Variants in IPO7 observed in about 807,000 individuals in gnomAD.
The protein encoded by IPO7 is importin-7.
Under a neutral mutation model 136.4 loss-of-function variants are expected in IPO7, and 13 were observed. The ratio of observed to expected loss-of-function variants is 0.10; its 90% confidence interval spans 0.06 to 0.15. The LOEUF (loss-of-function observed/expected upper bound fraction) is 0.15. IPO7 is among the 10% of genes least tolerant of loss of function. The pLI, the probability that IPO7 is intolerant of heterozygous loss-of-function variation, is 1.00. For synonymous variants in IPO7, 403 were observed against 404.4 expected (o/e 1.00, Z 0.04); for missense variants, 857 against 1,240.6 (o/e 0.69, Z 4.65).
At chr11:9,416,473 TACTTTCTCAACTC>T (rs1855043959) in intron 5 of IPO7, among the ~76,000 whole-genome samples, 1 of 152,184 alleles carries the variant, frequency 6.6e-6, no homozygotes, top group Non-Finnish European at 1.5e-5. Context: ...TAGGACAAAA[TACTTTCTCAACTC>T]ATTCTTTGAG....
intron 6 of IPO7, among the ~76,000 whole-genome samples, chr11:9,418,617 G>A (rs559886569): frequency 3.3e-5 from 5 of 152,080 alleles, no homozygotes; most frequent in Admixed American, 2.6e-4. Flanking sequence ...AACTAGTTTG[G>A]TGTATATTTT....
intron 4 of IPO7, among the ~76,000 whole-genome samples, chr11:9,411,161 T>A (rs1186319644): frequency 6.6e-6 from 1 of 152,188 alleles, no homozygotes; most frequent in Non-Finnish European, 1.5e-5. Flanking sequence ...AAGGCCCTCC[T>A]GTCCCATAAT....
At chr11:9,431,542 T>C (rs907680352) in intron 16 of IPO7, among the ~76,000 whole-genome samples, 68 of 151,742 alleles carry the variant, frequency 4.5e-4, no homozygotes, top group African/African-American at 1.6e-3. Flanking sequence ...GACCCTGAAA[T>C]TGTTTTTCTT....
chr11:9,429,608 T>C lies in IPO7; in HGVS notation c.1592-66T>C, dbSNP rs533370257. 3.2e-5 allele frequency: 41 copies of C among 1,300,582 alleles called. No homozygotes were observed. In the African/African-American group the frequency reaches 5.7e-4, roughly 18 times the overall value. 80.6% of individuals were successfully genotyped at this position (1,300,582 alleles called of 1,614,324 possible). On this transcript the variant is annotated intron_variant, in intron 14 of 24. Transcript: ENST00000379719. ...TACTTTTTTAAAAAACTCATCGATATTTGTTATATCAGGTTTTAAGAAGTT... is the reference window on the plus strand; with the variant it reads ...TACTTTTTTAAAAAACTCATCGATACTTGTTATATCAGGTTTTAAGAAGTT...
intron 6 of IPO7, among the ~76,000 whole-genome samples, chr11:9,418,649 T>C (rs1855077615): frequency 1.3e-5 from 2 of 152,204 alleles, no homozygotes; most frequent in South Asian, 2.1e-4. Context: ...TTAATAGATA[T>C]AAAATATAAC....
At chr11:9,433,886 G>T (rs373825772) in intron 18 of IPO7, 40 bp downstream of exon 18, 49 of 1,555,370 alleles carry the variant, frequency 3.2e-5, no homozygotes, top group Middle Eastern at 4.7e-4. Context: ...GGTTTTCCCT[G>T]CTTTGATTTA....
chr11:9,400,920 C>G (rs10770031), intron 1 of IPO7, among the ~76,000 whole-genome samples: 152,158 of 152,160 alleles, frequency 1, 76,078 homozygotes, highest in Middle Eastern at 1. Flanking sequence ...GGTGGCTCCC[C>G]CCTGTAATCC....
chr11:9,442,447 T>C (rs1256630356), intron 24 of IPO7, among the ~76,000 whole-genome samples: 1 of 152,022 alleles, frequency 6.6e-6, no homozygotes, highest in Non-Finnish European at 1.5e-5. Flanking sequence ...GGCGTCTTGC[T>C]CTGTCGCCCA....
At chr11:9,406,377 A>G (rs1035306624) in intron 2 of IPO7, among the ~76,000 whole-genome samples, 1 of 151,860 alleles carries the variant, frequency 6.6e-6, no homozygotes, top group Non-Finnish European at 1.5e-5. Flanking sequence ...GTTTTTAGAT[A>G]AGAGTCTGCC....
Position 9,424,938 on chromosome 11 carries a change from C to T in IPO7, c.1166C>T (p.Pro389Leu). ...KFDVFEDFIS[P>L]TTAAQTLLFT... ...GATGTGTTTGAAGATTTCATTTCTC[C>T]TACCACTGCTGCCCAGACACTTTTG... The change falls in exon 11 of 25, where the codon CCT becomes CTT. Residue 389 changes from proline to leucine, a missense_variant. Pro to Leu is a moderately conservative substitution (Grantham distance 98). This residue lies in a region of IPO7 where 127 missense variants were observed against 222.4 expected (regional missense o/e 0.57). Transcript: ENST00000379719. 6.3e-7 allele frequency: 1 copy of T among 1,590,972 alleles called. No homozygotes were observed. Among genetic ancestry groups the T allele is most frequent in the Non-Finnish European group, 8.5e-7 (1 of 1,170,080 alleles).
At chr11:9,424,015 G>A in intron 10 of IPO7, 139 bp downstream of exon 10, 2 of 500,592 alleles carry the variant, frequency 4.0e-6, no homozygotes, top group Non-Finnish European at 3.5e-6. Flanking sequence ...TCCTTTTTGG[G>A]GCTATTTATT....
intron 19 of IPO7, 111 bp from the exon 20 acceptor site, chr11:9,436,160 A>G: frequency 1.5e-6 from 1 of 648,566 alleles, no homozygotes; most frequent in Non-Finnish European, 2.8e-6. Context: ...TAATTAGGGT[A>G]CCTCAAGTAA....
At chr11:9,401,191 AAAAG>A (rs922257036) in intron 1 of IPO7, among the ~76,000 whole-genome samples, 5 of 152,128 alleles carry the variant, frequency 3.3e-5, no homozygotes, top group African/African-American at 1.2e-4. Context: ...CAAAAAAAAA[AAAAG>A]AAGATACTAA....
At chr11:9,422,176 G>A (rs972756117) in intron 8 of IPO7, among the ~76,000 whole-genome samples, 3 of 152,142 alleles carry the variant, frequency 2.0e-5, no homozygotes, top group Non-Finnish European at 2.9e-5. Context: ...CTACTCGGGA[G>A]GCTGAGGCAG....
chr11:9,420,392 A>C lies in IPO7; in HGVS notation c.727-19A>C, dbSNP rs201864292. 6.7e-7 allele frequency: 1 copy of C among 1,487,208 alleles called. No individual in the cohort carries two copies. Among genetic ancestry groups the C allele is most frequent in the Non-Finnish European group, 9.4e-7 (1 of 1,066,960 alleles). 92.1% of individuals were successfully genotyped at this position (1,487,208 alleles called of 1,614,324 possible). A position where few individuals can be genotyped will look rare whatever the true frequency, so the allele number is the denominator to read the frequency against. On this transcript the variant is annotated intron_variant, in intron 6 of 24. Transcript: ENST00000379719. ...CTATATTGTATTATCTCTATCATTA[A>C]ATAAGTGTCTTTTTAAAGGAAACAC...
chr11:9,432,527 A>G (rs1855310705), intron 16 of IPO7, among the ~76,000 whole-genome samples: 1 of 152,196 alleles, frequency 6.6e-6, no homozygotes, highest in Non-Finnish European at 1.5e-5. Context: ...ATTCTGCCTT[A>G]TAATTGAATA....
chr11:9,408,745 C>A, intron 3 of IPO7, 106 bp downstream of exon 3: 1 of 730,178 alleles, frequency 1.4e-6, no homozygotes, highest in Non-Finnish European at 2.0e-6. Context: ...TGGACTTTCC[C>A]TCTGTGGCCA....
chr11:9,392,305 G>C (rs957382438), intron 1 of IPO7: 3 of 319,658 alleles, frequency 9.4e-6, no homozygotes, highest in African/African-American at 6.9e-5. Context: ...AGCCTCTTGA[G>C]TAGCTGGGAT....
chr11:9,384,900 C>G (rs933306481), intron 1 of IPO7, 53 bp downstream of exon 1: 22 of 1,414,490 alleles, frequency 1.6e-5, no homozygotes, highest in Non-Finnish European at 2.1e-5. Flanking sequence ...GCAGAAGTGG[C>G]AGGCCGAGCC....
Sources: allele counts gnomAD v4.1 joint callset (sites outside exome capture counted in the v4.1 genomes callset), GRCh38; gene constraint gnomAD v4.1.1; regional missense constraint gnomAD v4.1.1; transcripts MANE v1.5; gene names NCBI Gene and HGNC (gene_info 2026-07-23, HGNC 2026-07-21).